Variants in UMAD1 observed in about 807,000 individuals in gnomAD.
UMAD1 encodes the protein UBAP1-MVB12-associated (UMA)-domain containing protein 1.
In UMAD1, 8 loss-of-function variants were observed where a neutral mutation model predicts 6.1. That is an observed-to-expected ratio of 1.30 (90% CI 0.76 to 2.35). The LOEUF (loss-of-function observed/expected upper bound fraction) is 2.35. UMAD1 is among the 30% of genes most tolerant of loss of function. UMAD1 has a pLI of 0.00. For missense variants in UMAD1, 130 were observed against 78.4 expected, an observed-to-expected ratio of 1.66 and a Z score of -2.49; for synonymous variants, 56 against 31.4, an observed-to-expected ratio of 1.78 and a Z score of -2.61.
rs538038195 is a variant in UMAD1 at position 7,755,276 on chromosome 7, G to A, written c.83-46394G>A. Among the ~76,000 whole-genome samples, 5 of 152,188 alleles carry A rather than the reference G, an allele frequency of 3.3e-5. No individual in the cohort carries two copies. The South Asian group carries it at 8.3e-4, about 25-fold the overall frequency. On this transcript the variant is annotated intron_variant, in intron 2 of 3. Transcript: ENST00000682710. ...TGTCTCATTTATTTTACCACCACCA[G>A]TTCCTTTTAAAGACACCCCATTTTT...
At chr7:7,696,465 C>T (rs1405721788) in intron 2 of UMAD1, among the ~76,000 whole-genome samples, 1 of 152,166 alleles carries the variant, frequency 6.6e-6, no homozygotes, top group African/African-American at 2.4e-5. Context: ...GAACTGGCCA[C>T]AAGACCTGAT....
At chr7:7,760,416 A>AATAATG (rs1781863915) in intron 2 of UMAD1, among the ~76,000 whole-genome samples, 2 of 53,090 alleles carry the variant, frequency 3.8e-5, no homozygotes, top group East Asian at 6.5e-4. Flanking sequence ...AATACAAAAT[A>AATAATG]ATAATAATAA....
At chr7:7,737,872 A>G (rs151215540) in intron 2 of UMAD1, among the ~76,000 whole-genome samples, 1 of 152,334 alleles carries the variant, frequency 6.6e-6, no homozygotes, top group African/African-American at 2.4e-5. Context: ...TGAAGATTAA[A>G]TGAGATAGTA....
At chr7:7,733,082 A>G (rs1781289408) in intron 2 of UMAD1, among the ~76,000 whole-genome samples, 1 of 152,232 alleles carries the variant, frequency 6.6e-6, no homozygotes, top group Non-Finnish European at 1.5e-5. Context: ...TAAGCCAGAA[A>G]TGTCAGGCAT....
chr7:7,805,450 C>G (rs1782893522), intron 3 of UMAD1, among the ~76,000 whole-genome samples: 1 of 152,198 alleles, frequency 6.6e-6, no homozygotes, highest in South Asian at 2.1e-4. Flanking sequence ...CGGAATGTGA[C>G]TGCTGCTCAA....
At chr7:7,761,641 A>G (rs867841331) in intron 2 of UMAD1, among the ~76,000 whole-genome samples, 3 of 152,254 alleles carry the variant, frequency 2.0e-5, no homozygotes, top group Non-Finnish European at 2.9e-5. Context: ...TAGTGACATT[A>G]ATAGAACTAG....
At chr7:7,709,559 G>A (rs1780696425) in intron 2 of UMAD1, among the ~76,000 whole-genome samples, 1 of 152,238 alleles carries the variant, frequency 6.6e-6, no homozygotes, top group Non-Finnish European at 1.5e-5. Flanking sequence ...GCCTGCAAGG[G>A]CAAAATGAGG....
intron 3 of UMAD1, among the ~76,000 whole-genome samples, chr7:7,859,624 A>G (rs146933718): frequency 3.9e-5 from 6 of 152,302 alleles, no homozygotes; most frequent in African/African-American, 1.4e-4. Flanking sequence ...CAGAAAGGTT[A>G]AATGATTCGC....
At chr7:7,832,026 T>C (rs1044932807) in intron 3 of UMAD1, among the ~76,000 whole-genome samples, 5 of 152,226 alleles carry the variant, frequency 3.3e-5, no homozygotes, top group African/African-American at 1.2e-4. Flanking sequence ...ACAGCCCTGG[T>C]AAAACTTCTT....
At chr7:7,686,300 T>TC (rs2115130173) in intron 2 of UMAD1, among the ~76,000 whole-genome samples, 1 of 152,304 alleles carries the variant, frequency 6.6e-6, no homozygotes, top group South Asian at 2.1e-4. Flanking sequence ...GGGAAGTGTG[T>TC]CCAGAAACAT....
chr7:7,735,500 C>G (rs1404422093), intron 2 of UMAD1, among the ~76,000 whole-genome samples: 1 of 151,916 alleles, frequency 6.6e-6, no homozygotes, highest in Non-Finnish European at 1.5e-5. Flanking sequence ...ACCTCCGCCT[C>G]CCGGGTTCAA....
chr7:7,864,028 C>A (rs1583881514), intron 3 of UMAD1, among the ~76,000 whole-genome samples: 1 of 152,196 alleles, frequency 6.6e-6, no homozygotes. Context: ...TTCTAGAACA[C>A]TTTGAATTTC....
rs537403109 is a variant in UMAD1 at position 7,748,191 on chromosome 7, G to A, written c.83-53479G>A. ...GATCTCTTGACATCATGATCCGCCC[G>A]CCTCGGCCTCCCAAAGTCCTGGGAT... is the stretch of plus-strand genomic sequence containing the variant. On this transcript the variant is annotated intron_variant, in intron 2 of 3. Transcript: ENST00000682710. Among the ~76,000 whole-genome samples the A allele has an allele frequency of 1.4e-4, 21 of 151,186 alleles. No individual in the cohort carries two copies. In the South Asian group the frequency reaches 2.1e-3, roughly 15 times the overall value.
chr7:7,723,836 G>C (rs111844967), intron 2 of UMAD1, among the ~76,000 whole-genome samples: 4,066 of 152,284 alleles, frequency 0.027, 193 homozygotes, highest in African/African-American at 0.09. Flanking sequence ...AGTCTGACTC[G>C]TGTAGAGCTC....
At chr7:7,761,218 T>C (rs2115231442) in intron 2 of UMAD1, among the ~76,000 whole-genome samples, 1 of 151,978 alleles carries the variant, frequency 6.6e-6, no homozygotes, top group African/African-American at 2.4e-5. Context: ...TACAAAAAAT[T>C]AGCCAATATG....
intron 1 of UMAD1, among the ~76,000 whole-genome samples, chr7:7,659,649 A>G (rs1017596387): frequency 6.6e-6 from 1 of 152,110 alleles, no homozygotes; most frequent in Non-Finnish European, 1.5e-5. Context: ...CTCTCATTTG[A>G]TTGCACTGTG....
chr7:7,758,727 A>G (rs966103847), intron 2 of UMAD1, among the ~76,000 whole-genome samples: 1 of 152,014 alleles, frequency 6.6e-6, no homozygotes, highest in Non-Finnish European at 1.5e-5. Context: ...TGCATTTTTC[A>G]GATTTATACA....
intron 3 of UMAD1, among the ~76,000 whole-genome samples, chr7:7,818,408 G>GA (rs1388534176): frequency 5.9e-5 from 9 of 151,936 alleles, no homozygotes; most frequent in South Asian, 4.2e-4. Flanking sequence ...ACAATCATAT[G>GA]AAAAAAAGCT....
At chr7:7,788,575 T>C (rs148928336) in intron 2 of UMAD1, among the ~76,000 whole-genome samples, 1 of 152,334 alleles carries the variant, frequency 6.6e-6, no homozygotes, top group East Asian at 1.9e-4. Flanking sequence ...GATTAGGATC[T>C]ACCAGTAGCA....
Sources: gnomAD v4.1 joint callset for allele counts (sites outside exome capture counted in the v4.1 genomes callset) on GRCh38, gnomAD v4.1.1 for gene constraint, MANE v1.5 for transcripts, NCBI Gene and HGNC (gene_info 2026-07-23, HGNC 2026-07-21) for gene names.